MAG: variants seen among roughly 807,000 people sequenced by gnomAD.
MAG encodes the protein myelin-associated glycoprotein.
Under a neutral mutation model 60.7 loss-of-function variants are expected in MAG, and 30 were observed. The ratio of observed to expected loss-of-function variants is 0.49; its 90% CI spans 0.37 to 0.67. The LOEUF is 0.67. Among genes scored for constraint, MAG ranks in the 30% least tolerant of loss-of-function variants. MAG has a pLI of 0.00. For synonymous variants in MAG, 384 were observed against 376.8 expected (o/e 1.02, Z -0.22); for missense variants, 795 against 851.7 (o/e 0.93, Z 0.83).
rs529242568 is a variant in MAG at position 35,305,824 on chromosome 19, G to A, written c.1231+3116G>A. Among the ~76,000 whole-genome samples the A allele has an allele frequency of 7.2e-5, 11 of 152,278 alleles. No homozygotes were observed. The South Asian group carries it at 1.2e-3, about 17-fold the overall frequency. ...ACAAAAATTAGCCAGGCGTGATGGC[G>A]CACACCTGCAGTTCCAGCTACTCAG... On this transcript the variant is annotated intron_variant, in intron 7 of 10. Coordinates refer to ENST00000392213, the MANE Select transcript of MAG (RefSeq NM_002361.4).
intron 9 of MAG, among the ~76,000 whole-genome samples, 186 bp downstream of exon 9, chr19:35,310,829 G>C (rs1458096950): frequency 2.0e-5 from 3 of 152,218 alleles, no homozygotes; most frequent in Non-Finnish European, 4.4e-5. Flanking sequence ...CTGCTGGTCA[G>C]GGGCACACCA....
intron 1 of MAG, 65 bp downstream of exon 1, chr19:35,292,269 G>A (rs989253887): frequency 1.1e-5 from 5 of 455,902 alleles, no homozygotes; most frequent in African/African-American, 2.0e-5. Flanking sequence ...GCACCCAGAC[G>A]TGAGCAGGGT....
chr19:35,296,814 A>T (rs912705078), intron 4 of MAG, among the ~76,000 whole-genome samples: 1 of 151,752 alleles, frequency 6.6e-6, no homozygotes, highest in African/African-American at 2.4e-5. Flanking sequence ...CACTACCCAC[A>T]CACCACACAC....
chr19:35,302,765 G>T, intron 7 of MAG, 57 bp downstream of exon 7: 2 of 1,585,066 alleles, frequency 1.3e-6, no homozygotes, highest in South Asian at 1.1e-5. Flanking sequence ...GGGACACCAG[G>T]GTTACTGTGG....
At chr19:35,312,152 C>T (rs953309471) in intron 10 of MAG, 135 bp downstream of exon 10, 3 of 1,249,132 alleles carry the variant, frequency 2.4e-6, no homozygotes, top group East Asian at 2.3e-5. Flanking sequence ...CATTCCAGGG[C>T]TGGGTTGGAC....
At chr19:35,309,369 G>C (rs2066507935) in intron 7 of MAG, among the ~76,000 whole-genome samples, 2 of 152,210 alleles carry the variant, frequency 1.3e-5, no homozygotes, top group South Asian at 4.1e-4. Flanking sequence ...GTGAGGGTCA[G>C]GGTATGGGTT....
Position 35,302,434 on chromosome 19 carries a change from G to A in MAG, c.971-14G>A, listed in dbSNP as rs778873158. ...CTCCTGGGTTCTGACCATCAGTCCC[G>A]TCCTACCCCGCAGATGCACCCTGGA... On this transcript the variant is annotated splice_polypyrimidine_tract_variant and intron_variant, in intron 6 of 10. Transcript: ENST00000392213. 25 of 1,613,680 alleles carry A rather than the reference G, an allele frequency of 1.5e-5. No individual in the cohort carries two copies. The highest frequency in any genetic ancestry group is 7.7e-5 in the South Asian group (7 of 91,034).
rs376242866 is a variant in MAG at position 35,310,285 on chromosome 19, C to G, written c.1519+124C>G. The G allele has an allele frequency of 2.7e-4, 357 of 1,310,590 alleles. No individual in the cohort carries two copies. In the South Asian group the frequency reaches 5.2e-3, roughly 19 times the overall value. 81.2% of individuals were successfully genotyped at this position (1,310,590 alleles called of 1,614,324 possible). A position where few individuals can be genotyped will look rare whatever the true frequency, so the allele number is the denominator to read the frequency against. ...TGCAGATTGACAGAAAGGTCAAATT[C>G]TCCCTTTCCGGTTGGAGAGGAGAAG... On this transcript the variant is annotated intron_variant, in intron 8 of 10. Transcript: ENST00000392213.
chr19:35,306,647 A>G (rs539814608), intron 7 of MAG, among the ~76,000 whole-genome samples: 79 of 152,290 alleles, frequency 5.2e-4, no homozygotes, highest in Non-Finnish European at 9.4e-4. Flanking sequence ...TCTGTTGCCC[A>G]GGCTGGTCTC....
At chr19:35,299,247 A>T (rs1362746239) in intron 4 of MAG, among the ~76,000 whole-genome samples, 1 of 152,182 alleles carries the variant, frequency 6.6e-6, no homozygotes, top group Non-Finnish European at 1.5e-5. Context: ...AAAATGAGCA[A>T]AATTACAGTC....
intron 7 of MAG, among the ~76,000 whole-genome samples, chr19:35,305,879 C>CG (rs1035321955): frequency 2.0e-5 from 3 of 152,138 alleles, no homozygotes; most frequent in Non-Finnish European, 4.4e-5. Context: ...CGCTTGAGCC[C>CG]GGGGGGTGGA....
At position 35,310,152 on chromosome 19, in the gene MAG, C is replaced by G; in HGVS notation, c.1510C>G (p.Gln504Glu). Reference protein sequence around the residue: ...YGAKSLELPFQGAHRLMWAKI... With the variant: ...YGAKSLELPFEGAHRLMWAKI... ...CGCCAAGAGCCTGGAGCTGCCCTTC[C>G]AGGGAGCCCGTGAGTGGCGTGGACT... The change falls in exon 8 of 11, where the codon CAG (glutamine) becomes GAG (glutamate). Residue 504 changes from glutamine (Q) to glutamate (E), a missense_variant. Gln to Glu is a conservative substitution (Grantham distance 29). Coordinates refer to ENST00000392213, the MANE Select transcript of MAG (RefSeq NM_002361.4). The G allele has an allele frequency of 6.2e-7, 1 of 1,605,034 alleles. No homozygotes were observed.
At chr19:35,301,389 T>G (rs2066447011) in intron 6 of MAG, among the ~76,000 whole-genome samples, 1 of 150,818 alleles carries the variant, frequency 6.6e-6, no homozygotes, top group African/African-American at 2.4e-5. Flanking sequence ...ATATTAATAA[T>G]GACAGCCGCA....
rs2066457433 is a variant in MAG, at chr19:35,302,657, G to T, written c.1180G>T (p.Ala394Ser). 6.2e-7 allele frequency: 1 copy of T among 1,614,006 alleles called. No homozygotes were observed. Among genetic ancestry groups the T allele is most frequent in the South Asian group, 1.1e-5 (1 of 91,090 alleles). Residue 394 changes from alanine (A) to serine (S), a missense_variant, in exon 7 of 11, where the codon GCT (alanine) becomes TCT (serine). Coordinates refer to ENST00000392213, the MANE Select transcript of MAG (RefSeq NM_002361.4). ...PEDDGEYWCV[A>S]ENQYGQRATA... ...GGATGATGGAGAGTACTGGTGTGTGGCTGAGAACCAGTATGGCCAGAGGGC... is the reference window on the plus strand; with the variant it reads ...GGATGATGGAGAGTACTGGTGTGTGTCTGAGAACCAGTATGGCCAGAGGGC...
intron 1 of MAG, among the ~76,000 whole-genome samples, chr19:35,292,639 TAGC>T (rs2066365181): frequency 7.1e-6 from 1 of 140,642 alleles, no homozygotes; most frequent in Non-Finnish European, 1.5e-5. Flanking sequence ...CCTGGGCACA[TAGC>T]AGGTGTGTGT....
At chr19:35,307,473 A>C (rs1599656555) in intron 7 of MAG, among the ~76,000 whole-genome samples, 2 of 152,328 alleles carry the variant, frequency 1.3e-5, no homozygotes, top group South Asian at 4.1e-4. Context: ...CAGGCCAAGA[A>C]AGAGAACACA....
At chr19:35,312,618 G>A in intron 10 of MAG, 1 of 538,080 alleles carries the variant, frequency 1.9e-6, no homozygotes. Context: ...ACCCATGCAG[G>A]ACCCATGGGG....
At chr19:35,301,429 C>CT (rs67343866) in intron 6 of MAG, among the ~76,000 whole-genome samples, 19,079 of 105,584 alleles carry the variant, frequency 0.18, 2,708 homozygotes, top group East Asian at 0.34. Context: ...CTCTTGAGTG[C>CT]TTTTTTTTTT....
intron 4 of MAG, among the ~76,000 whole-genome samples, chr19:35,299,043 CCACACA>C (rs112793426): frequency 6.7e-6 from 1 of 149,042 alleles, no homozygotes; most frequent in Non-Finnish European, 1.5e-5. Context: ...CACACCCACA[CCACACA>C]CACACACACA....
Sources: gnomAD v4.1 joint callset for allele counts (sites outside exome capture counted in the v4.1 genomes callset) on GRCh38, gnomAD v4.1.1 for gene constraint, MANE v1.5 for transcripts, NCBI Gene and HGNC (gene_info 2026-07-23, HGNC 2026-07-21) for gene names.